Variants in SH3PXD2B observed in about 807,000 individuals in gnomAD.
SH3PXD2B encodes the protein SH3 and PX domains 2B.
A neutral mutation model predicts 73.1 loss-of-function variants in SH3PXD2B; 37 were observed. The observed-to-expected ratio is 0.51, with a 90% CI of 0.39 to 0.67. SH3PXD2B has a LOEUF of 0.67. Ranked by LOEUF, SH3PXD2B falls within the 30% of genes least tolerant of loss-of-function variation. SH3PXD2B has a pLI of 0.00. For missense variants in SH3PXD2B, 1,053 were observed against 1,197.8 expected (o/e 0.88, Z 1.78); for synonymous variants, 457 against 480.5 (o/e 0.95, Z 0.64).
chr5:172,373,398 G>T (rs1385532347), intron 6 of SH3PXD2B, among the ~76,000 whole-genome samples: 1 of 152,210 alleles, frequency 6.6e-6, no homozygotes, highest in African/African-American at 2.4e-5. Context: ...GTATAAAGTG[G>T]AACAAAGGCA....
At chr5:172,381,133 G>A (rs961733340) in intron 5 of SH3PXD2B, among the ~76,000 whole-genome samples, 4 of 152,206 alleles carry the variant, frequency 2.6e-5, no homozygotes, top group South Asian at 2.1e-4. Flanking sequence ...CACACTGCCC[G>A]CCACGCTGGC....
Position 172,335,484 on chromosome 5 carries a change from T to C in SH3PXD2B, c.*2885A>G. ...GATCTCAGTCCCAGCTTGGCCACTA[T>C]TTGGACCTTCTCCCTCTGAACCTTA... is the stretch of plus-strand genomic sequence containing the variant. On this transcript the variant is annotated 3_prime_UTR_variant, in exon 13 of 13. Transcript: ENST00000311601. The C allele has an allele frequency of 8.1e-7, 1 of 1,231,202 alleles. No homozygotes were observed. Among genetic ancestry groups the C allele is most frequent in the Non-Finnish European group, 1.0e-6 (1 of 987,778 alleles). The allele number at this position is 1,231,202 out of a possible 1,614,324, so 76.3% of individuals were successfully genotyped here.
Position 172,368,590 on chromosome 5 carries a change from A to AAT in SH3PXD2B, c.427+5198_427+5199dup, listed in dbSNP as rs1392499997. On this transcript the variant is annotated intron_variant, in intron 6 of 12. Transcript: ENST00000311601. ...TAAAATATGTTATATATATATATAAAATATGTTATATATATAATATATATG... is the reference window on the plus strand; with the variant it reads ...TAAAATATGTTATATATATATATAAAATATATGTTATATATATAATATATATG... 3.2e-3 allele frequency among the ~76,000 whole-genome samples: 38 copies of AAT among 11,740 alleles called. 9 individuals are homozygous for AAT. Among genetic ancestry groups the AAT allele is most frequent in the South Asian group, 0.017 (3 of 172 alleles). 7.7% of individuals were successfully genotyped at this position (11,740 alleles called of 152,430 possible).
intron 1 of SH3PXD2B, among the ~76,000 whole-genome samples, chr5:172,439,635 G>A (rs200820552): frequency 8.2e-4 from 125 of 151,678 alleles, no homozygotes; most frequent in African/African-American, 2.5e-3. Context: ...AGGAAAAGTC[G>A]GGAATGTCAA....
At chr5:172,394,491 T>C (rs1038894177) in intron 4 of SH3PXD2B, 72 bp downstream of exon 4, 1 of 1,504,012 alleles carries the variant, frequency 6.6e-7, no homozygotes, top group African/African-American at 1.4e-5. Context: ...GTTGAGCATC[T>C]TGTAGCCAGA....
intron 5 of SH3PXD2B, among the ~76,000 whole-genome samples, chr5:172,379,458 C>T (rs1313413319): frequency 6.6e-6 from 1 of 152,144 alleles, no homozygotes; most frequent in Non-Finnish European, 1.5e-5. Context: ...GGATTTCCAG[C>T]CTCCAGAAAG....
chr5:172,337,480 G>A lies in SH3PXD2B; in HGVS notation c.*889C>T, dbSNP rs1756730265. On this transcript the variant is annotated 3_prime_UTR_variant, in exon 13 of 13. Transcript: ENST00000311601. ...ATGAATGCAAAGCGCCAAGTACAGT[G>A]TTTGGCACCCACGAGGCACTCAGCA... 1 of 984,472 alleles carries A rather than the reference G, an allele frequency of 1.0e-6. No homozygotes were observed. The highest frequency in any genetic ancestry group is 6.1e-5 in the Admixed American group (1 of 16,264). 61.0% of individuals were successfully genotyped at this position (984,472 alleles called of 1,614,324 possible).
chr5:172,370,186 T>G (rs1757669069), intron 6 of SH3PXD2B, among the ~76,000 whole-genome samples: 1 of 152,176 alleles, frequency 6.6e-6, no homozygotes, highest in African/African-American at 2.4e-5. Flanking sequence ...ATTTATAATC[T>G]TATAAATTAA....
At chr5:172,332,593 TA>T (rs1756580606), downstream of SH3PXD2B, among the ~76,000 whole-genome samples, 1 of 149,336 alleles carries the variant, frequency 6.7e-6, no homozygotes, top group Non-Finnish European at 1.5e-5. Flanking sequence ...CACAGATTAA[TA>T]TATTAATGAC....
intron 11 of SH3PXD2B, 149 bp from the exon 12 acceptor site, chr5:172,346,410 C>CCACGCAGTTTGT: frequency 8.1e-7 from 1 of 1,230,038 alleles, no homozygotes; most frequent in Non-Finnish European, 1.2e-6. Flanking sequence ...ACAAATAGGA[C>CCACGCAGTTTGT]CACGCAGTTT....
At chr5:172,407,848 G>A (rs938330063) in intron 2 of SH3PXD2B, among the ~76,000 whole-genome samples, 1 of 152,162 alleles carries the variant, frequency 6.6e-6, no homozygotes, top group Non-Finnish European at 1.5e-5. Context: ...TTAAATCCTC[G>A]ATCATTGCTT....
intron 4 of SH3PXD2B, among the ~76,000 whole-genome samples, chr5:172,384,986 G>T (rs1342049759): frequency 6.6e-6 from 1 of 152,194 alleles, no homozygotes; most frequent in Non-Finnish European, 1.5e-5. Context: ...CTGCTCTGCA[G>T]CAAATCCTTA....
chr5:172,418,351 G>T (rs940430680), intron 2 of SH3PXD2B, among the ~76,000 whole-genome samples: 1 of 152,242 alleles, frequency 6.6e-6, no homozygotes, highest in African/African-American at 2.4e-5. Flanking sequence ...CTCAGGCACA[G>T]AGGGGTTAAG....
chr5:172,351,419 C>T (rs775639166), intron 9 of SH3PXD2B, among the ~76,000 whole-genome samples: 3 of 152,166 alleles, frequency 2.0e-5, no homozygotes, highest in Admixed American at 6.5e-5. Flanking sequence ...TGAGCCACCA[C>T]GCTTGGCCAG....
chr5:172,428,761 G>A (rs4867675), intron 1 of SH3PXD2B, among the ~76,000 whole-genome samples: 59,010 of 151,986 alleles, frequency 0.39, 12,079 homozygotes, highest in East Asian at 0.67. Flanking sequence ...ACTTGAGCTC[G>A]AGCTCTTGAC....
At chr5:172,344,661 G>A (rs1307210149) in intron 12 of SH3PXD2B, among the ~76,000 whole-genome samples, 1 of 151,118 alleles carries the variant, frequency 6.6e-6, no homozygotes, top group East Asian at 1.9e-4. Context: ...GTATGAAGGG[G>A]CAGATTTTTC....
chr5:172,327,224 G>C (rs1351584704), intron 12 of SH3PXD2B, among the ~76,000 whole-genome samples: 8 of 152,154 alleles, frequency 5.3e-5, no homozygotes, highest in African/African-American at 1.9e-4. Context: ...TGCGCTATTA[G>C]AAGGGCCTAC....
chr5:172,404,916 C>T (rs1758517254), intron 3 of SH3PXD2B, among the ~76,000 whole-genome samples: 1 of 152,206 alleles, frequency 6.6e-6, no homozygotes, highest in South Asian at 2.1e-4. Context: ...GCCATCTGTG[C>T]AAGCGCCCAT....
intron 5 of SH3PXD2B, among the ~76,000 whole-genome samples, chr5:172,375,440 G>T (rs1056598491): frequency 6.6e-6 from 1 of 152,154 alleles, no homozygotes; most frequent in African/African-American, 2.4e-5. Context: ...TCACAAGGTT[G>T]TCCAACCATC....
Sources: gnomAD v4.1 joint callset for allele counts (sites outside exome capture counted in the v4.1 genomes callset) on GRCh38, gnomAD v4.1.1 for gene constraint, MANE v1.5 for transcripts, NCBI Gene and HGNC (gene_info 2026-07-23, HGNC 2026-07-21) for gene names.